GRK1: variants seen among roughly 807,000 people sequenced by gnomAD.
The protein encoded by GRK1 is rhodopsin kinase GRK1.
A neutral mutation model predicts 41.7 loss-of-function variants in GRK1; 28 were observed. That is an observed-to-expected ratio of 0.67 (90% CI 0.50 to 0.92). The LOEUF (loss-of-function observed/expected upper bound fraction) is 0.92, where lower values mean the gene tolerates loss of function less well. GRK1 is among the 40% of genes least tolerant of loss of function. The pLI, the probability that GRK1 is intolerant of heterozygous loss-of-function variation, is 0.00. For synonymous variants in GRK1, 327 were observed against 286.7 expected, an observed-to-expected ratio of 1.14 and a Z score of -1.42; for missense variants, 703 against 671.2, an observed-to-expected ratio of 1.05 and a Z score of -0.52.
Position 113,735,883 on chromosome 13 carries a change from G to C in GRK1, c.*520G>C, listed in dbSNP as rs2050000637. 1 of 152,634 alleles carries C rather than the reference G, an allele frequency of 6.6e-6. No individual in the cohort carries two copies. Among genetic ancestry groups the C allele is most frequent in the African/African-American group, 2.4e-5 (1 of 41,446 alleles). 9.5% of individuals were successfully genotyped at this position (152,634 alleles called of 1,614,324 possible). A position where few individuals can be genotyped will look rare whatever the true frequency, so the allele number is the denominator to read the frequency against. Reference sequence around the variant, plus strand: ...CCCAGGTCCCTCTGTGCAGGCTCCTGACTTCCAGGGTGCCCGGGCCCTGTG... The same window carrying C: ...CCCAGGTCCCTCTGTGCAGGCTCCTCACTTCCAGGGTGCCCGGGCCCTGTG... On this transcript the variant is annotated 3_prime_UTR_variant, in exon 7 of 7. Transcript: ENST00000335678.
At chr13:113,733,998 G>A (rs1176038623) in intron 6 of GRK1, among the ~76,000 whole-genome samples, 8 of 144,624 alleles carry the variant, frequency 5.5e-5, no homozygotes, top group South Asian at 2.1e-4. Flanking sequence ...GCATACATGT[G>A]TGTGCGTGTG....
At position 113,668,962 on chromosome 13, in the gene GRK1, T is replaced by A. The variant is rs2049838674; in HGVS notation, c.700-725T>A. 2.6e-5 allele frequency among the ~76,000 whole-genome samples: 4 copies of A among 152,246 alleles called. No homozygotes were observed. The South Asian group carries it at 8.3e-4, about 31-fold the overall frequency. ...CTGGAACATCTGCGTGTTCTCGCCG[T>A]GGAACTCGGGGCGAGTAACTATGCT... On this transcript the variant is annotated intron_variant, in intron 1 of 6. Coordinates refer to ENST00000335678, the MANE Select transcript of GRK1 (RefSeq NM_002929.3).
rs781665927 is a variant in GRK1, at chr13:113,667,263, T to C, written c.-124T>C. On this transcript the variant is annotated 5_prime_UTR_variant, in exon 1 of 7. Coordinates refer to ENST00000335678, the MANE Select transcript of GRK1 (RefSeq NM_002929.3). This position sits in a 1 kb window ranked among gnomAD's most constrained non-coding sequence, Gnocchi z 7.5. ...CGACAGGGCCAGGGCGTCTCTCTCG[T>C]CCAGCAAGGGCAGGGACGGGCCACA... 2.0e-6 allele frequency: 2 copies of C among 991,694 alleles called. No homozygotes were observed. The highest frequency in any genetic ancestry group is 2.9e-6 in the Non-Finnish European group (2 of 692,932). 61.4% of individuals were successfully genotyped at this position (991,694 alleles called of 1,614,324 possible). A position where few individuals can be genotyped will look rare whatever the true frequency, so the allele number is the denominator to read the frequency against.
the GRK1 span, among the ~76,000 whole-genome samples, chr13:113,657,057 C>T: frequency 1.3e-5 from 2 of 152,218 alleles, no homozygotes; most frequent in African/African-American, 4.8e-5. Context: ...CCTTTGAGAC[C>T]GTGGAGCCTC....
the GRK1 span, among the ~76,000 whole-genome samples, chr13:113,661,939 T>C: frequency 1.3e-5 from 2 of 152,158 alleles, no homozygotes; most frequent in Non-Finnish European, 2.9e-5. Context: ...TTTTGGAAAA[T>C]AGAAGAAGAG....
the GRK1 span, chr13:113,653,529 G>C: frequency 9.3e-7 from 1 of 1,077,722 alleles, no homozygotes; most frequent in Middle Eastern, 2.6e-4. Flanking sequence ...AGAGGCGGTG[G>C]CCCAACCCAG....
intron 4 of GRK1, among the ~76,000 whole-genome samples, chr13:113,729,949 C>T (rs2049922502): frequency 1.3e-5 from 2 of 151,058 alleles, no homozygotes; most frequent in South Asian, 4.2e-4. Flanking sequence ...GTCCCCGCGG[C>T]TGCGCCCAAA....
chr13:113,660,149 T>G, the GRK1 span, among the ~76,000 whole-genome samples: 1 of 152,082 alleles, frequency 6.6e-6, no homozygotes, highest in Non-Finnish European at 1.5e-5. Flanking sequence ...AACTAGGTGC[T>G]CTATACAAAT....
rs545619671 is a variant in GRK1 at position 113,733,097 on chromosome 13, C to T, written c.1396+12C>T. ...GCAGCTGGAGGCTGGTACTGTTGGA[C>T]GCCTCAGCCCCGGAGAGGGTGGGGT... On this transcript the variant is annotated intron_variant, in intron 6 of 6. Transcript: ENST00000335678. 162 of 1,532,476 alleles carry T rather than the reference C, an allele frequency of 1.1e-4. No homozygotes were observed. Among genetic ancestry groups the T allele is most frequent in the East Asian group, 6.4e-4 (26 of 40,860 alleles). The allele number at this position is 1,532,476 out of a possible 1,614,324, so 94.9% of individuals were successfully genotyped here. A position where few individuals can be genotyped will look rare whatever the true frequency, so the allele number is the denominator to read the frequency against.
At chr13:113,657,954 T>C in the GRK1 span, 1 of 1,225,648 alleles carries the variant, frequency 8.2e-7, no homozygotes, top group Non-Finnish European at 1.1e-6. Flanking sequence ...TCTGCTCCCC[T>C]CCTCCTGAGC....
chr13:113,664,919 G>C (rs929720030), upstream of GRK1, among the ~76,000 whole-genome samples: 1 of 152,232 alleles, frequency 6.6e-6, no homozygotes, highest in Non-Finnish European at 1.5e-5. This position sits in a 1 kb window ranked among gnomAD's most constrained non-coding sequence, Gnocchi z 5.4. Flanking sequence ...TGAAGGGCAG[G>C]GCTGGGCCCG....
At chr13:113,658,159 G>C in the GRK1 span, 6 of 1,606,530 alleles carry the variant, frequency 3.7e-6, no homozygotes, top group Non-Finnish European at 5.1e-6. Context: ...CCTGGCCTGA[G>C]ATCCTCCCGT....
chr13:113,727,618 ATGAGGACCCATGGCG>A (rs2049898066), intron 4 of GRK1, among the ~76,000 whole-genome samples: 1 of 148,144 alleles, frequency 6.8e-6, no homozygotes, highest in African/African-American at 2.5e-5. Flanking sequence ...ACCCATGGCG[ATGAGGACCCATGGCG>A]ATGAGGAGTA....
At chr13:113,734,394 G>T (rs2049987488) in intron 6 of GRK1, 1 of 152,452 alleles carries the variant, frequency 6.6e-6, no homozygotes, top group Admixed American at 6.5e-5. Flanking sequence ...CCACAGAAGG[G>T]TTTGAGCCCA....
chr13:113,736,918 G>A lies in GRK1; in HGVS notation c.*1555G>A, dbSNP rs1259075698. The A allele has an allele frequency of 6.6e-6, 1 of 152,382 alleles. No homozygotes were observed. The highest frequency in any genetic ancestry group is 2.4e-5 in the African/African-American group (1 of 41,462). 9.4% of individuals were successfully genotyped at this position (152,382 alleles called of 1,614,324 possible). A position where few individuals can be genotyped will look rare whatever the true frequency, so the allele number is the denominator to read the frequency against. On this transcript the variant is annotated 3_prime_UTR_variant, in exon 7 of 7. Transcript: ENST00000335678. Reference sequence around the variant, plus strand: ...AGGGTGGCTTGGGAAGGTCCCACTTGGGGGTGTCACGTCCTGCAGGGAGTG... The same window carrying A: ...AGGGTGGCTTGGGAAGGTCCCACTTAGGGGTGTCACGTCCTGCAGGGAGTG...
At chr13:113,668,614 C>T (rs115264693) in intron 1 of GRK1, among the ~76,000 whole-genome samples, 1,777 of 152,328 alleles carry the variant, frequency 0.012, 36 homozygotes, top group African/African-American at 0.041. Flanking sequence ...TGGGAGTGAG[C>T]GACGGGCACG....
intron 5 of GRK1, among the ~76,000 whole-genome samples, chr13:113,732,285 A>T (rs944091114): frequency 6.6e-6 from 1 of 151,874 alleles, no homozygotes; most frequent in Non-Finnish European, 1.5e-5. Context: ...TGGACATGTG[A>T]CCTGTCCTGC....
the GRK1 span, among the ~76,000 whole-genome samples, chr13:113,648,520 T>C: frequency 1.3e-5 from 2 of 152,236 alleles, no homozygotes; most frequent in East Asian, 3.9e-4. Context: ...GAGAAGTCTG[T>C]GGCCTTCAGC....
chr13:113,667,338 G>A lies in GRK1; in HGVS notation c.-49G>A. 1.4e-6 allele frequency: 2 copies of A among 1,477,880 alleles called. No individual in the cohort carries two copies. The highest frequency in any genetic ancestry group is 1.8e-6 in the Non-Finnish European group (2 of 1,108,622). The allele number at this position is 1,477,880 out of a possible 1,614,324, so 91.5% of individuals were successfully genotyped here. A position where few individuals can be genotyped will look rare whatever the true frequency, so the allele number is the denominator to read the frequency against. On this transcript the variant is annotated 5_prime_UTR_variant, in exon 1 of 7. Transcript: ENST00000335678. The surrounding 1 kb of genome is among the most constrained non-coding windows in gnomAD (Gnocchi z 7.5). ...CTCTGTCTGTGAACGCTCCCGGCTTGGCCTCGGCTGATGGGCCCTCACGCC... is the reference window on the plus strand; with the variant it reads ...CTCTGTCTGTGAACGCTCCCGGCTTAGCCTCGGCTGATGGGCCCTCACGCC...
Sources: allele counts gnomAD v4.1 joint callset (sites outside exome capture counted in the v4.1 genomes callset), GRCh38; gene constraint gnomAD v4.1.1; non-coding constraint Gnocchi (gnomAD v3.1); transcripts MANE v1.5; gene names NCBI Gene and HGNC (gene_info 2026-07-23, HGNC 2026-07-21).